Variants in SLC14A2 observed in about 807,000 individuals in gnomAD.
SLC14A2 encodes the protein solute carrier family 14 member 2, also known as urea transporter 2.
SLC14A2 carries 91 observed loss-of-function variants against 104.6 expected under a neutral mutation model. The ratio of observed to expected loss-of-function variants is 0.87; its 90% CI spans 0.73 to 1.04. SLC14A2 has a LOEUF of 1.04. SLC14A2 is among the 50% of genes least tolerant of loss of function. The probability of loss-of-function intolerance (pLI) is 0.00; values close to 1 mark genes in which losing one functional copy is unlikely to be tolerated. For missense variants in SLC14A2, 1,189 were observed against 1,156.0 expected, an observed-to-expected ratio of 1.03 and a Z score of -0.41; for synonymous variants, 476 against 466.4, an observed-to-expected ratio of 1.02 and a Z score of -0.27.
intron 1 of SLC14A2, among the ~76,000 whole-genome samples, chr18:45,458,239 T>A (rs1008802987): frequency 2.0e-5 from 3 of 152,166 alleles, no homozygotes; most frequent in African/African-American, 4.8e-5. Flanking sequence ...GGAAAGGGTT[T>A]GCAGCAACAG....
At chr18:45,633,856 G>C (rs908009185) in intron 5 of SLC14A2, among the ~76,000 whole-genome samples, 1 of 152,140 alleles carries the variant, frequency 6.6e-6, no homozygotes, top group Non-Finnish European at 1.5e-5. Context: ...GGGCAATTTA[G>C]TTTTCCTCTT....
intron 2 of SLC14A2, among the ~76,000 whole-genome samples, chr18:45,545,076 G>A (rs2144867104): frequency 6.6e-6 from 1 of 152,296 alleles, no homozygotes; most frequent in East Asian, 1.9e-4. Context: ...TTATAGGCAT[G>A]AGCCACCATG....
At chr18:45,295,962 A>C (rs1319682777) in intron 1 of SLC14A2, among the ~76,000 whole-genome samples, 2 of 151,578 alleles carry the variant, frequency 1.3e-5, no homozygotes, top group East Asian at 3.9e-4. Flanking sequence ...GAAGATTCTT[A>C]GTGAGGAATC....
chr18:45,354,836 G>A (rs938165637), intron 1 of SLC14A2, among the ~76,000 whole-genome samples: 2 of 152,162 alleles, frequency 1.3e-5, no homozygotes, highest in African/African-American at 4.8e-5. Context: ...ATGACCTCTG[G>A]TTTACCCCTA....
intron 2 of SLC14A2, among the ~76,000 whole-genome samples, chr18:45,542,038 T>TTTTTTTG: frequency 5.0e-5 from 2 of 39,896 alleles, no homozygotes; most frequent in Non-Finnish European, 8.5e-5. Context: ...AGAGAGGGTT[T>TTTTTTTG]TTTTTTTTTT....
chr18:45,659,750 A>G (rs1362086437), intron 10 of SLC14A2, among the ~76,000 whole-genome samples: 2 of 152,178 alleles, frequency 1.3e-5, no homozygotes, highest in Admixed American at 6.5e-5. Context: ...AACATTTAAC[A>G]TTTATACTAA....
At chr18:45,323,648 C>T (rs1478983152) in intron 1 of SLC14A2, among the ~76,000 whole-genome samples, 5 of 152,142 alleles carry the variant, frequency 3.3e-5, no homozygotes, top group African/African-American at 1.2e-4. Context: ...TAATAGGATT[C>T]AGCCTAATGA....
intron 1 of SLC14A2, among the ~76,000 whole-genome samples, chr18:45,257,012 T>C (rs2084486158): frequency 6.6e-6 from 1 of 152,228 alleles, no homozygotes; most frequent in South Asian, 2.1e-4. Flanking sequence ...TGTGGATAAA[T>C]TGTATTTGTT....
the SLC14A2 span, among the ~76,000 whole-genome samples, chr18:45,200,023 G>T: frequency 6.6e-6 from 1 of 152,086 alleles, no homozygotes; most frequent in Non-Finnish European, 1.5e-5. Context: ...CAACTCCCTG[G>T]TGGCCATGGG....
At chr18:45,491,880 C>G (rs1034958024) in intron 2 of SLC14A2, among the ~76,000 whole-genome samples, 4 of 152,216 alleles carry the variant, frequency 2.6e-5, no homozygotes, top group Non-Finnish European at 4.4e-5. Context: ...CCAGCACCAG[C>G]TCTGCCAGGG....
chr18:45,333,592 G>C (rs542637332), intron 1 of SLC14A2, among the ~76,000 whole-genome samples: 39 of 152,312 alleles, frequency 2.6e-4, no homozygotes, highest in African/African-American at 9.4e-4. Flanking sequence ...GTTAACTCAT[G>C]AATCTTTACT....
At chr18:45,617,272 G>A (rs1347901466) in intron 1 of SLC14A2, among the ~76,000 whole-genome samples, 5 of 152,166 alleles carry the variant, frequency 3.3e-5, no homozygotes, top group Admixed American at 3.3e-4. Context: ...GAATTCCCCT[G>A]CCAGGCTCTG....
At chr18:45,557,986 A>G (rs2044154367) in intron 2 of SLC14A2, among the ~76,000 whole-genome samples, 1 of 152,064 alleles carries the variant, frequency 6.6e-6, no homozygotes, top group Non-Finnish European at 1.5e-5. Context: ...ACTCAAAGAC[A>G]CTCAGAAACC....
chr18:45,616,713 G>A (rs2045077141), intron 1 of SLC14A2, among the ~76,000 whole-genome samples: 2 of 152,150 alleles, frequency 1.3e-5, no homozygotes, highest in African/African-American at 2.4e-5. Context: ...TGCAACTGAT[G>A]GAATGCAAGA....
At chr18:45,571,196 A>G (rs1568280818) in intron 2 of SLC14A2, among the ~76,000 whole-genome samples, 3 of 152,214 alleles carry the variant, frequency 2.0e-5, no homozygotes, top group Non-Finnish European at 1.5e-5. Flanking sequence ...AAGACACACA[A>G]TCCATAAATA....
intron 1 of SLC14A2, among the ~76,000 whole-genome samples, chr18:45,274,869 T>C (rs1568130775): frequency 6.6e-6 from 1 of 152,230 alleles, no homozygotes; most frequent in Non-Finnish European, 1.5e-5. Context: ...TGGTGTGTGT[T>C]TCTCAAGCAG....
intron 1 of SLC14A2, among the ~76,000 whole-genome samples, chr18:45,387,461 G>A (rs2085910432): frequency 6.6e-6 from 1 of 152,198 alleles, no homozygotes; most frequent in Non-Finnish European, 1.5e-5. Context: ...AGCAAGGGCA[G>A]TCTCTAATTC....
intron 1 of SLC14A2, among the ~76,000 whole-genome samples, chr18:45,385,770 C>T (rs1388478989): frequency 1.3e-5 from 2 of 152,054 alleles, no homozygotes; most frequent in African/African-American, 4.8e-5. Context: ...CTTCAAAGTA[C>T]ACGGTTTGAA....
rs2045579913 is a variant in SLC14A2 at position 45,644,125 on chromosome 18, CAGTG to C, written c.1318_1321del (p.Val440LysfsTer90). On this transcript the variant is annotated frameshift_variant, in exon 10 of 20. Coordinates refer to ENST00000255226, the MANE Select transcript of SLC14A2 (RefSeq NM_007163.4). LOFTEE classifies it high-confidence loss of function. ...GAGGCCAACCGCATCTACTACCTGA[CAGTG>C]AAAAGCGGTGAAGAAGAGAAGGCCC... 1 of 1,614,124 alleles carries C rather than the reference CAGTG, an allele frequency of 6.2e-7. No individual in the cohort carries two copies.
Sources: allele counts gnomAD v4.1 joint callset (sites outside exome capture counted in the v4.1 genomes callset), GRCh38; gene constraint gnomAD v4.1.1; transcripts MANE v1.5; gene names NCBI Gene and HGNC (gene_info 2026-07-23, HGNC 2026-07-21).